ARMC2: variants seen among roughly 807,000 people sequenced by gnomAD.
The protein encoded by ARMC2 is armadillo repeat containing 2, also known as armadillo repeat-containing protein 2.
ARMC2 carries 67 observed loss-of-function variants against 90.3 expected under a neutral mutation model. That is an observed-to-expected ratio of 0.74 (90% CI 0.61 to 0.91). The LOEUF is 0.91. Among genes scored for constraint, ARMC2 ranks in the 40% least tolerant of loss-of-function variants. The pLI, the probability that ARMC2 is intolerant of heterozygous loss-of-function variation, is 0.00. For missense variants in ARMC2, 920 were observed against 1,030.9 expected (o/e 0.89, Z 1.47); for synonymous variants, 393 against 393.0 (o/e 1.00, Z 0.00).
intron 5 of ARMC2, among the ~76,000 whole-genome samples, chr6:108,880,850 C>CT (rs1430523706): frequency 6.7e-6 from 1 of 149,070 alleles, no homozygotes; most frequent in Non-Finnish European, 1.5e-5. Flanking sequence ...TCCTTCCTTC[C>CT]TTTTTTTCTC....
chr6:108,889,019 G>A lies in ARMC2; in HGVS notation c.672-5448G>A, dbSNP rs114267582. ...AAACCCATGGAAACCTTCTATGACT[G>A]TCTTACTTGCCCTGGGCACTTATCC... On this transcript the variant is annotated intron_variant, in intron 5 of 17. Coordinates refer to ENST00000392644, the MANE Select transcript of ARMC2 (RefSeq NM_032131.6). 4.2e-3 allele frequency among the ~76,000 whole-genome samples: 638 copies of A among 152,242 alleles called. 3 individuals are homozygous for A. The highest frequency in any genetic ancestry group is 0.014 in the African/African-American group (598 of 41,534).
At chr6:109,023,747 A>T in the ARMC2 span, among the ~76,000 whole-genome samples, 3 of 152,258 alleles carry the variant, frequency 2.0e-5, no homozygotes, top group Non-Finnish European at 4.4e-5. Context: ...TAACAAAATA[A>T]AATGAGTAAA....
intron 12 of ARMC2, among the ~76,000 whole-genome samples, chr6:108,947,820 C>A (rs561406704): frequency 1.2e-4 from 17 of 141,020 alleles, no homozygotes; most frequent in African/African-American, 4.3e-4. Flanking sequence ...ACTAGACTGC[C>A]TTCTTTAGGA....
At chr6:109,019,343 A>G in the ARMC2 span, among the ~76,000 whole-genome samples, 16 of 152,298 alleles carry the variant, frequency 1.1e-4, no homozygotes, top group Admixed American at 8.5e-4. Context: ...GAATGCTCCA[A>G]TAATTTCAAC....
the ARMC2 span, among the ~76,000 whole-genome samples, chr6:108,983,193 A>G: frequency 6.6e-6 from 1 of 152,202 alleles, no homozygotes. Flanking sequence ...TATCAAATAT[A>G]TGATTTGTAA....
intron 12 of ARMC2, among the ~76,000 whole-genome samples, chr6:108,945,822 G>C (rs1200023529): frequency 1.3e-5 from 2 of 152,246 alleles, no homozygotes; most frequent in African/African-American, 4.8e-5. Flanking sequence ...GCATTCCAGA[G>C]AGGTGCCTTC....
rs78854834 is a variant in ARMC2, at chr6:108,854,562, T to A, written c.218+77T>A. 2.3e-3 allele frequency: 3,185 copies of A among 1,395,060 alleles called. 56 individuals carry two copies. The African/African-American group carries it at 0.042, about 18-fold the overall frequency. The allele number at this position is 1,395,060 out of a possible 1,614,324, so 86.4% of individuals were successfully genotyped here. ...TACCTTCCCTTAATTCTACTTAAGG[T>A]TAGCTTTTAAAAATAGACTTATTTT... On this transcript the variant is annotated intron_variant, in intron 2 of 17. Transcript: ENST00000392644.
chr6:108,951,779 T>A (rs1400762840), intron 12 of ARMC2, among the ~76,000 whole-genome samples: 1 of 152,244 alleles, frequency 6.6e-6, no homozygotes, highest in African/African-American at 2.4e-5. Flanking sequence ...TGGCCCTTTG[T>A]CCCCTTTTCT....
At chr6:108,979,157 T>G (rs1779039458), downstream of ARMC2, among the ~76,000 whole-genome samples, 1 of 152,214 alleles carries the variant, frequency 6.6e-6, no homozygotes, top group South Asian at 2.1e-4. Context: ...CGTTTAGTGC[T>G]TCCTTCAGGA....
At chr6:108,968,151 A>G (rs1778506625) in intron 17 of ARMC2, among the ~76,000 whole-genome samples, 1 of 152,214 alleles carries the variant, frequency 6.6e-6, no homozygotes, top group Non-Finnish European at 1.5e-5. Flanking sequence ...TTGGCTAACA[A>G]TGGTGGTACC....
At chr6:108,950,723 T>C (rs1204623451) in intron 12 of ARMC2, among the ~76,000 whole-genome samples, 1 of 152,110 alleles carries the variant, frequency 6.6e-6, no homozygotes, top group Non-Finnish European at 1.5e-5. Context: ...CAAAGCCCCA[T>C]GACACAAGAT....
intron 13 of ARMC2, among the ~76,000 whole-genome samples, chr6:108,954,767 A>G (rs1365647738): frequency 1.3e-5 from 2 of 152,222 alleles, no homozygotes; most frequent in East Asian, 3.8e-4. Context: ...TCAACTCAAG[A>G]GCCATTTCCT....
At chr6:109,006,352 GGTTT>G in the ARMC2 span, among the ~76,000 whole-genome samples, 1 of 151,858 alleles carries the variant, frequency 6.6e-6, no homozygotes, top group Non-Finnish European at 1.5e-5. Context: ...ACAATGTGCA[GGTTT>G]GTTACATATG....
chr6:108,937,091 T>A, intron 12 of ARMC2, 92 bp downstream of exon 12: 1 of 1,125,650 alleles, frequency 8.9e-7, no homozygotes, highest in Non-Finnish European at 1.2e-6. Flanking sequence ...TTTGAGTATA[T>A]AGGTTTCTAT....
At chr6:108,953,377 A>G in intron 13 of ARMC2, 26 bp downstream of exon 13, 2 of 1,568,956 alleles carry the variant, frequency 1.3e-6, no homozygotes, top group Non-Finnish European at 1.7e-6. Flanking sequence ...CACTGGCTGC[A>G]GCAGACACAA....
At position 108,953,113 on chromosome 6, in the gene ARMC2, G is replaced by T; in HGVS notation, c.1677G>T (p.Glu559Asp). Residue 559 changes from glutamate (E) to aspartate (D), a missense_variant, in exon 13 of 18, where the codon GAG becomes GAT. By Grantham distance (45) the Glu-to-Asp change is conservative. Transcript: ENST00000392644. ...NNQAREQFSKEKGSIQTLLSL... is the reference protein window; with the variant it reads ...NNQAREQFSKDKGSIQTLLSL... ...AGGCTCGTGAACAATTTTCCAAAGA[G>T]AAAGGGAGCATCCAAACTCTGCTGT... The T allele has an allele frequency of 6.2e-7, 1 of 1,613,954 alleles. No individual in the cohort carries two copies. Among genetic ancestry groups the T allele is most frequent in the Non-Finnish European group, 8.5e-7 (1 of 1,179,864 alleles).
chr6:109,032,999 A>G, the ARMC2 span, among the ~76,000 whole-genome samples: 1 of 152,182 alleles, frequency 6.6e-6, no homozygotes, highest in South Asian at 2.1e-4. Context: ...GCCCTAAGGA[A>G]CCTTATAATC....
the ARMC2 span, among the ~76,000 whole-genome samples, chr6:109,010,077 A>G: frequency 7.2e-5 from 11 of 152,208 alleles, no homozygotes; most frequent in Non-Finnish European, 8.8e-5. Flanking sequence ...AAGCTACGTA[A>G]AAGCTATAAA....
chr6:108,871,489 A>G (rs1236081938), intron 4 of ARMC2, among the ~76,000 whole-genome samples: 1 of 152,058 alleles, frequency 6.6e-6, no homozygotes, highest in Non-Finnish European at 1.5e-5. Context: ...CCTGGAGGTG[A>G]AGGGCACTTC....
Sources: gnomAD v4.1 joint callset for allele counts (sites outside exome capture counted in the v4.1 genomes callset) on GRCh38, gnomAD v4.1.1 for gene constraint, MANE v1.5 for transcripts, NCBI Gene and HGNC (gene_info 2026-07-23, HGNC 2026-07-21) for gene names.